Variants in MIPEP observed in about 807,000 individuals in gnomAD.
MIPEP encodes the protein mitochondrial intermediate peptidase.
In MIPEP, 79 loss-of-function variants were observed where a neutral mutation model predicts 90.3. That is an observed-to-expected ratio of 0.87 (90% CI 0.73 to 1.05). The LOEUF (loss-of-function observed/expected upper bound fraction) is 1.05. Among genes scored for constraint, MIPEP ranks in the 50% least tolerant of loss-of-function variants. MIPEP has a pLI of 0.00. For missense variants in MIPEP, 940 were observed against 905.6 expected (o/e 1.04, Z -0.49); for synonymous variants, 334 against 315.8 (o/e 1.06, Z -0.61).
chr13:23,747,520 C>T (rs569362689), intron 18 of MIPEP: 50 of 506,146 alleles, frequency 9.9e-5, no homozygotes, highest in African/African-American at 7.0e-4. Flanking sequence ...TCTAAAACAC[C>T]GTGACAGGAA....
At chr13:23,750,914 C>A (rs777499652) in intron 18 of MIPEP, among the ~76,000 whole-genome samples, 4 of 152,198 alleles carry the variant, frequency 2.6e-5, no homozygotes, top group Admixed American at 2.0e-4. Flanking sequence ...ATGACACATG[C>A]GCCCATCACT....
Position 23,870,051 on chromosome 13 carries a change from T to G in MIPEP, c.748A>C (p.Ile250Leu). 1.2e-6 allele frequency: 2 copies of G among 1,610,094 alleles called. No homozygotes were observed. The highest frequency in any genetic ancestry group is 1.7e-6 in the Non-Finnish European group (2 of 1,177,964). The change falls in exon 6 of 19, where the codon ATA becomes CTA. Residue 250 changes from isoleucine (I) to leucine (L), a missense_variant. Ile to Leu is a conservative substitution (Grantham distance 5). Coordinates refer to ENST00000382172, the MANE Select transcript of MIPEP (RefSeq NM_005932.4). Reference protein sequence around the residue: ...RNFTSAGDHIIIDGLHAESPD... With the variant: ...RNFTSAGDHILIDGLHAESPD... ...GATTCTGCGTGGAGACCATCAATTA[T>G]GATATGATCCCCAGCAGATGTAAAG...
intron 3 of MIPEP, among the ~76,000 whole-genome samples, 171 bp downstream of exon 3, chr13:23,881,528 G>A (rs1871268204): frequency 6.6e-6 from 1 of 152,216 alleles, no homozygotes; most frequent in Admixed American, 6.5e-5. Flanking sequence ...TGCCTGCGAG[G>A]TGAGCCAATG....
chr13:23,803,364 A>AAAC lies in MIPEP; in HGVS notation c.1848+2583_1848+2585dup, dbSNP rs556587564. On this transcript the variant is annotated intron_variant, in intron 16 of 18. Transcript: ENST00000382172. ...GGAGTCAAAGCAAGACTCCATCTCA[A>AAAC]AACAACAACAACAACAACAACAACA... Among the ~76,000 whole-genome samples, 403 of 152,078 alleles carry AAAC rather than the reference A, an allele frequency of 2.6e-3. 1 individual carries two copies. The highest frequency in any genetic ancestry group is 4.6e-3 in the Admixed American group (70 of 15,292).
rs534235835 is a variant in MIPEP, at chr13:23,799,150, T to C, written c.1848+6800A>G. Among the ~76,000 whole-genome samples, 171 of 150,194 alleles carry C rather than the reference T, an allele frequency of 1.1e-3. 1 individual carries two copies. Among genetic ancestry groups the C allele is most frequent in the African/African-American group, 4.0e-3 (164 of 40,724 alleles). On this transcript the variant is annotated intron_variant, in intron 16 of 18. Coordinates refer to ENST00000382172, the MANE Select transcript of MIPEP (RefSeq NM_005932.4). ...TCCCCAGTAGCTGAGACTACAGGCA[T>C]GTACCACCACGCGCAGCTGATTTTT...
intron 18 of MIPEP, among the ~76,000 whole-genome samples, chr13:23,750,139 GTCAAGAGAGTTCCTCCACAC>G (rs1160964552): frequency 6.6e-6 from 1 of 152,136 alleles, no homozygotes; most frequent in Non-Finnish European, 1.5e-5. Context: ...CTGTGATGGA[GTCAAGAGAGTTCCTCCACAC>G]TCCACACTCA....
chr13:23,881,000 T>C (rs868497122), intron 3 of MIPEP, among the ~76,000 whole-genome samples: 1 of 152,212 alleles, frequency 6.6e-6, no homozygotes, highest in South Asian at 2.1e-4. Flanking sequence ...GCTAAGTGTG[T>C]TGGAATACAG....
chr13:23,741,510 T>C (rs946718405), intron 18 of MIPEP, among the ~76,000 whole-genome samples: 3 of 152,084 alleles, frequency 2.0e-5, no homozygotes, highest in Non-Finnish European at 1.5e-5. Flanking sequence ...TGAGATCACA[T>C]CTTTTGCAGA....
chr13:23,815,353 T>C (rs1321994399), intron 14 of MIPEP, among the ~76,000 whole-genome samples: 2 of 151,678 alleles, frequency 1.3e-5, no homozygotes, highest in African/African-American at 4.8e-5. Context: ...TCTCGCTGTG[T>C]AGCCCAGGCT....
At chr13:23,784,238 T>C (rs375264738) in intron 16 of MIPEP, among the ~76,000 whole-genome samples, 8 of 152,204 alleles carry the variant, frequency 5.3e-5, no homozygotes, top group East Asian at 3.9e-4. Context: ...CTTCAAACTA[T>C]ACTACAAGGC....
At chr13:23,767,193 CT>C (rs1952599776) in intron 16 of MIPEP, among the ~76,000 whole-genome samples, 1 of 152,222 alleles carries the variant, frequency 6.6e-6, no homozygotes, top group South Asian at 2.1e-4. Context: ...TGCCTGCAGC[CT>C]TGTGTGACCC....
chr13:23,871,659 G>A (rs1207145969), intron 5 of MIPEP, among the ~76,000 whole-genome samples: 2 of 152,106 alleles, frequency 1.3e-5, no homozygotes, highest in East Asian at 3.8e-4. Flanking sequence ...AGATGATGTA[G>A]AGGCATGCTT....
At position 23,869,358 on chromosome 13, in the gene MIPEP, C is replaced by A; in HGVS notation, c.877G>T (p.Ala293Ser). 1 of 1,613,520 alleles carries A rather than the reference C, an allele frequency of 6.2e-7. No homozygotes were observed. Residue 293 changes from alanine (A) to serine (S), a missense_variant, in exon 7 of 19, where the codon GCA becomes TCA. Physicochemically the swap from Ala to Ser is moderately conservative, Grantham distance 99. Coordinates refer to ENST00000382172, the MANE Select transcript of MIPEP (RefSeq NM_005932.4). ...AACGTGGAATACCCCACCAACTTTG[C>A]CAGAAGATCTCTGCTGCTGAGCAAT... ...EELLSSRDLLAKLVGYSTFSH... is the reference protein window; with the variant it reads ...EELLSSRDLLSKLVGYSTFSH...
chr13:23,830,448 G>A lies in MIPEP; in HGVS notation c.1653+5792C>T, dbSNP rs1017204850. On this transcript the variant is annotated intron_variant, in intron 14 of 18. Transcript: ENST00000382172. Reference sequence around the variant, plus strand: ...TCCTCTGGGAGGCAAGCGGGGCAGAGATGGGTTCAGAGAAGAGCATGTGGT... The same window carrying A: ...TCCTCTGGGAGGCAAGCGGGGCAGAAATGGGTTCAGAGAAGAGCATGTGGT... Among the ~76,000 whole-genome samples, 4 of 152,142 alleles carry A rather than the reference G, an allele frequency of 2.6e-5. No individual in the cohort carries two copies. In the East Asian group the frequency reaches 7.8e-4, roughly 30 times the overall value.
intron 16 of MIPEP, among the ~76,000 whole-genome samples, chr13:23,786,559 T>C (rs1436486484): frequency 6.6e-6 from 1 of 151,736 alleles, no homozygotes; most frequent in Non-Finnish European, 1.5e-5. Flanking sequence ...AACATTTTCA[T>C]AAAAATCAAT....
intron 2 of MIPEP, among the ~76,000 whole-genome samples, chr13:23,882,189 C>T (rs997807781): frequency 4.2e-4 from 64 of 151,928 alleles, no homozygotes; most frequent in African/African-American, 1.5e-3. Context: ...CCTGTCTCAG[C>T]CTCCCACGTA....
chr13:23,888,589 C>T lies in MIPEP; in HGVS notation c.189+543G>A, dbSNP rs1458007377. 5.6e-6 allele frequency: 3 copies of T among 538,710 alleles called. No homozygotes were observed. The African/African-American group carries it at 6.2e-5, about 11-fold the overall frequency. The allele number at this position is 538,710 out of a possible 1,614,324, so 33.4% of individuals were successfully genotyped here. On this transcript the variant is annotated intron_variant, in intron 1 of 18. Transcript: ENST00000382172. The stretch of plus-strand genomic sequence containing the variant: ...CTATGGGAAGTGAGACTCGTCTCAA[C>T]AGAGTTTTGTGTTTTAAAACAAGAA...
In MIPEP at chr13:23,881,765, T is replaced by A; in HGVS notation, c.386A>T (p.His129Leu). The change falls in exon 3 of 19, where the codon CAC becomes CTC. Residue 129 changes from histidine to leucine, a missense_variant. Coordinates refer to ENST00000382172, the MANE Select transcript of MIPEP (RefSeq NM_005932.4). ...AGCTTCTCTGAATGCTGGCTCAGGG[T>A]GAGCGATTTTCACAAAATCAGCCTA... ...ADLADFVKIAHPEPAFREAAE... is the reference protein window; with the variant it reads ...ADLADFVKIALPEPAFREAAE... The A allele has an allele frequency of 6.2e-7, 1 of 1,613,818 alleles. No individual in the cohort carries two copies. The highest frequency in any genetic ancestry group is 8.5e-7 in the Non-Finnish European group (1 of 1,179,874).
intron 15 of MIPEP, among the ~76,000 whole-genome samples, chr13:23,809,546 T>C (rs1188455439): frequency 6.6e-6 from 1 of 152,076 alleles, no homozygotes; most frequent in African/African-American, 2.4e-5. Context: ...GGTTTCACCG[T>C]GTTGGTTAAG....
Sources: allele counts gnomAD v4.1 joint callset (sites outside exome capture counted in the v4.1 genomes callset), GRCh38; gene constraint gnomAD v4.1.1; transcripts MANE v1.5; gene names NCBI Gene and HGNC (gene_info 2026-07-23, HGNC 2026-07-21).